Variants in DNM2 observed in about 807,000 individuals in gnomAD.
DNM2 encodes the protein dynamin 2.
In DNM2, 15 loss-of-function variants were observed where a neutral mutation model predicts 99.0. The ratio of observed to expected loss-of-function variants is 0.15; its 90% CI spans 0.10 to 0.23. DNM2 has a LOEUF of 0.23. DNM2 is among the 10% of genes least tolerant of loss of function. The probability of loss-of-function intolerance (pLI) is 1.00; values close to 1 mark genes in which losing one functional copy is unlikely to be tolerated. For missense variants in DNM2, 742 were observed against 1,189.4 expected (o/e 0.62, Z 5.53); for synonymous variants, 525 against 481.2 (o/e 1.09, Z -1.19).
Position 10,782,658 on chromosome 19 carries a change from G to A in DNM2, c.689-302G>A, listed in dbSNP as rs1390263688. On this transcript the variant is annotated intron_variant, in intron 5 of 20. Coordinates refer to ENST00000389253, the MANE Select transcript of DNM2 (RefSeq NM_001005361.3). ...CAGGCGTGAGCCACCGCTCCCGGCC[G>A]AGATTTTTTTCTCACCTATCTTTGA... Among the ~76,000 whole-genome samples the A allele has an allele frequency of 2.6e-5, 4 of 152,104 alleles. No individual in the cohort carries two copies. The South Asian group carries it at 6.2e-4, about 24-fold the overall frequency.
chr19:10,829,958 C>T (rs528896864), intron 19 of DNM2, among the ~76,000 whole-genome samples, 169 bp from the exon 20 acceptor site: 1 of 152,092 alleles, frequency 6.6e-6, no homozygotes, highest in Non-Finnish European at 1.5e-5. Context: ...CTGAGGGGGC[C>T]GAGGGCAAGG....
rs2146215866 is a variant in DNM2 at position 10,831,556 on chromosome 19, A to G, written c.*509A>G. ...CCCAGCTGGCAGGCCTGAGGTGTACATAGTCCTTCCCGGCCATATTAACCA... is the reference window on the plus strand; with the variant it reads ...CCCAGCTGGCAGGCCTGAGGTGTACGTAGTCCTTCCCGGCCATATTAACCA... On this transcript the variant is annotated 3_prime_UTR_variant, in exon 21 of 21. Transcript: ENST00000389253. This position sits in a 1 kb window ranked among gnomAD's most constrained non-coding sequence, Gnocchi z 4.3. 1.0e-6 allele frequency: 1 copy of G among 986,252 alleles called. No homozygotes were observed. The highest frequency in any genetic ancestry group is 5.2e-4 in the Middle Eastern group (1 of 1,918). The allele number at this position is 986,252 out of a possible 1,614,324, so 61.1% of individuals were successfully genotyped here.
intron 1 of DNM2, among the ~76,000 whole-genome samples, chr19:10,721,097 C>T (rs914962328): frequency 7.9e-5 from 12 of 152,034 alleles, no homozygotes; most frequent in South Asian, 2.1e-4. Context: ...TGGCAGCTGC[C>T]GGCCAGTATG....
Position 10,718,155 on chromosome 19 carries a change from A to C in DNM2, c.-88A>C. 7.9e-7 allele frequency: 1 copy of C among 1,260,098 alleles called. No individual in the cohort carries two copies. The highest frequency in any genetic ancestry group is 3.3e-5 in the East Asian group (1 of 30,256). 78.1% of individuals were successfully genotyped at this position (1,260,098 alleles called of 1,614,324 possible). On this transcript the variant is annotated 5_prime_UTR_variant, in exon 1 of 21. Coordinates refer to ENST00000389253, the MANE Select transcript of DNM2 (RefSeq NM_001005361.3). ...GCCGAGGCCCGGGCGGGCGGGGAGC[A>C]ACGGCTACAGACGCCGCGGGGCCAG...
At chr19:10,719,347 A>G (rs1231953779) in intron 1 of DNM2, among the ~76,000 whole-genome samples, 3 of 152,062 alleles carry the variant, frequency 2.0e-5, no homozygotes, top group Non-Finnish European at 4.4e-5. Flanking sequence ...TCCGAGTGCT[A>G]GAACACAGGG....
Position 10,812,238 on chromosome 19 carries a change from C to T in DNM2, c.1558-26C>T, listed in dbSNP as rs148556191. The T allele has an allele frequency of 1.5e-4, 240 of 1,561,862 alleles. No individual in the cohort carries two copies. In the African/African-American group the frequency reaches 2.9e-3, roughly 19 times the overall value. ...TGGCTGGGGCACGGAGCGAGGTTCC[C>T]TGCTAAGCTGCGCGCTTTCCCCCAG... On this transcript the variant is annotated intron_variant, in intron 14 of 20. Transcript: ENST00000389253. This position sits in a 1 kb window ranked among gnomAD's most constrained non-coding sequence, Gnocchi z 4.0.
chr19:10,730,258 C>T (rs2069265722), intron 1 of DNM2, among the ~76,000 whole-genome samples: 1 of 152,156 alleles, frequency 6.6e-6, no homozygotes, highest in Non-Finnish European at 1.5e-5. Context: ...GGCAACATGG[C>T]TTGAGCTCAG....
chr19:10,817,575 A>G lies in DNM2; in HGVS notation c.1672-2405A>G. 1 of 382,128 alleles carries G rather than the reference A, an allele frequency of 2.6e-6. No individual in the cohort carries two copies. The highest frequency in any genetic ancestry group is 5.3e-6 in the Non-Finnish European group (1 of 186,970). The allele number at this position is 382,128 out of a possible 1,614,324, so 23.7% of individuals were successfully genotyped here. A position where few individuals can be genotyped will look rare whatever the true frequency, so the allele number is the denominator to read the frequency against. ...GCCAGGCCGTGCCTCAGCACCTCTG[A>G]GCAGCCAAGGAAACCACCACTCTTC... On this transcript the variant is annotated intron_variant, in intron 15 of 20. Coordinates refer to ENST00000389253, the MANE Select transcript of DNM2 (RefSeq NM_001005361.3). The surrounding 1 kb of genome is among the most constrained non-coding windows in gnomAD (Gnocchi z 4.6).
chr19:10,758,383 C>T (rs796504261), intron 1 of DNM2, among the ~76,000 whole-genome samples: 14 of 103,560 alleles, frequency 1.4e-4, no homozygotes, highest in African/African-American at 4.6e-4. Flanking sequence ...CCTTCCCTCC[C>T]TCCTTCCTTC....
intron 1 of DNM2, among the ~76,000 whole-genome samples, chr19:10,736,621 T>G (rs936573087): frequency 2.1e-4 from 32 of 150,352 alleles, no homozygotes; most frequent in African/African-American, 8.1e-4. Flanking sequence ...TTTGTTTGTT[T>G]GTTTAGACAA....
intron 17 of DNM2, 95 bp downstream of exon 17, chr19:10,823,994 T>A: frequency 8.3e-7 from 1 of 1,211,948 alleles, no homozygotes; most frequent in African/African-American, 1.5e-5. Context: ...TCAGGCCATG[T>A]TAGCCAGGAG....
At chr19:10,770,596 A>G (rs2070941668) in intron 2 of DNM2, among the ~76,000 whole-genome samples, 1 of 152,196 alleles carries the variant, frequency 6.6e-6, no homozygotes, top group Non-Finnish European at 1.5e-5. Context: ...TTTACAAAAG[A>G]AAGAGGTTTA....
At chr19:10,788,940 C>T (rs1002138456) in intron 7 of DNM2, among the ~76,000 whole-genome samples, 7 of 152,208 alleles carry the variant, frequency 4.6e-5, no homozygotes, top group African/African-American at 1.4e-4. Context: ...AGTGCATGGT[C>T]GTGGGCTAAG....
chr19:10,821,467 A>G (rs749644523), intron 16 of DNM2, among the ~76,000 whole-genome samples: 3 of 152,088 alleles, frequency 2.0e-5, no homozygotes, highest in Non-Finnish European at 4.4e-5. Context: ...CAGGCCCTGC[A>G]TGTTCCTCAG....
chr19:10,754,192 G>A (rs574963089), intron 1 of DNM2, among the ~76,000 whole-genome samples: 1 of 151,860 alleles, frequency 6.6e-6, no homozygotes, highest in South Asian at 2.1e-4. Context: ...GAATCTTCAC[G>A]AACATGTTCT....
At chr19:10,797,588 G>A in intron 10 of DNM2, 70 bp downstream of exon 10, 1 of 1,611,248 alleles carries the variant, frequency 6.2e-7, no homozygotes, top group Non-Finnish European at 8.5e-7. Context: ...CTCAACCCGA[G>A]CATCTGGAAA....
At chr19:10,819,823 C>T (rs186879528) in intron 15 of DNM2, among the ~76,000 whole-genome samples, 157 bp from the exon 16 acceptor site, 14 of 152,174 alleles carry the variant, frequency 9.2e-5, no homozygotes, top group Admixed American at 7.9e-4. Context: ...GACAGAGTGA[C>T]GGACGGGGAA....
At position 10,734,944 on chromosome 19, in the gene DNM2, T is replaced by C. The variant is rs541269177; in HGVS notation, c.161+16541T>C. 2.0e-5 allele frequency among the ~76,000 whole-genome samples: 3 copies of C among 151,872 alleles called. No individual in the cohort carries two copies. The East Asian group carries it at 5.8e-4, about 29-fold the overall frequency. ...TGGAATGTCCCTCAATTAGGGCTTA[T>C]CTGGAATTCTTCATGGTGAGCCTGG... On this transcript the variant is annotated intron_variant, in intron 1 of 20. Transcript: ENST00000389253.
chr19:10,785,527 C>T (rs1352906940), intron 6 of DNM2, among the ~76,000 whole-genome samples: 1 of 152,130 alleles, frequency 6.6e-6, no homozygotes, highest in Non-Finnish European at 1.5e-5. Context: ...GCCTCCTGTA[C>T]TCAAGCGATC....
Sources: allele counts gnomAD v4.1 joint callset (sites outside exome capture counted in the v4.1 genomes callset), GRCh38; gene constraint gnomAD v4.1.1; non-coding constraint Gnocchi (gnomAD v3.1); transcripts MANE v1.5; gene names NCBI Gene and HGNC (gene_info 2026-07-23, HGNC 2026-07-21).